The following ENGASE variants were observed in gnomAD, a reference collection of about 807,000 sequenced individuals.
ENGASE encodes cytosolic endo-beta-N-acetylglucosaminidase.
A neutral mutation model predicts 78.5 loss-of-function variants in ENGASE; 69 were observed. The ratio of observed to expected loss-of-function variants is 0.88; its 90% CI spans 0.72 to 1.07. The LOEUF is 1.07. Ranked by LOEUF, ENGASE falls within the 50% of genes least tolerant of loss-of-function variation. The pLI, the probability that ENGASE is intolerant of heterozygous loss-of-function variation, is 0.00. For synonymous variants in ENGASE, 408 were observed against 408.9 expected (o/e 1.00, Z 0.03); for missense variants, 943 against 988.4 (o/e 0.95, Z 0.62).
At position 79,074,930 on chromosome 17, in the gene ENGASE, T is replaced by C. The variant is rs2072928793; in HGVS notation, c.-15T>C. 3.1e-5 allele frequency: 39 copies of C among 1,259,938 alleles called. No individual in the cohort carries two copies. The highest frequency in any genetic ancestry group is 3.9e-5 in the Non-Finnish European group (39 of 1,002,096). The allele number at this position is 1,259,938 out of a possible 1,614,324, so 78.0% of individuals were successfully genotyped here. On this transcript the variant is annotated 5_prime_UTR_variant, in exon 1 of 14. Coordinates refer to ENST00000579016, the MANE Select transcript of ENGASE (RefSeq NM_001042573.3). The stretch of plus-strand genomic sequence containing the variant: ...CCGGGCCTGCGATTGCCTCTCGGCG[T>C]GCGCGGACAGTGTCATGGAGGCCGC...
At chr17:79,085,031 A>G (rs60001118) in intron 11 of ENGASE, among the ~76,000 whole-genome samples, 29,012 of 151,940 alleles carry the variant, frequency 0.19, 3,762 homozygotes, top group African/African-American at 0.36. Context: ...GGGCGCCAGG[A>G]CGAGTGAGGG....
chr17:79,082,806 G>A (rs781105043), intron 7 of ENGASE: 9 of 1,493,282 alleles, frequency 6.0e-6, no homozygotes, highest in Non-Finnish European at 7.1e-6. Context: ...TTGCAGCAGC[G>A]CTGACCGCCT....
chr17:79,085,272 G>C lies in ENGASE; in HGVS notation c.1630G>C (p.Val544Leu). ...SSRHSLRPLR[V>L]PPTKLARWVG... ...AAGACACAGCCTCCGACCCCTCCGG[G>C]TGCCCCCCACCAAGCTGGCCAGATG... Residue 544 changes from valine to leucine, a missense_variant, in exon 12 of 14, where the codon GTG (valine) becomes CTG (leucine). Coordinates refer to ENST00000579016, the MANE Select transcript of ENGASE (RefSeq NM_001042573.3). The C allele has an allele frequency of 1.2e-6, 2 of 1,613,544 alleles. No homozygotes were observed. Among genetic ancestry groups the C allele is most frequent in the South Asian group, 2.2e-5 (2 of 91,082 alleles).
Position 79,086,082 on chromosome 17 carries a change from C to T in ENGASE, c.1965C>T (p.Leu655=), listed in dbSNP as rs773637360. 7 of 1,613,624 alleles carry T rather than the reference C, an allele frequency of 4.3e-6. No individual in the cohort carries two copies. Among genetic ancestry groups the T allele is most frequent in the Non-Finnish European group, 5.1e-6 (6 of 1,180,034 alleles). The part of the protein sequence containing the change: ...LSCTLHWSFL[L]SQVRCFRIHC... Reference sequence around the variant, plus strand: ...GCACCCTGCACTGGTCCTTCCTCCTCTCACAAGTCCGTTGCTTCCGAATCC... The same window carrying T: ...GCACCCTGCACTGGTCCTTCCTCCTTTCACAAGTCCGTTGCTTCCGAATCC... The change falls in exon 14 of 14, where the codon CTC becomes CTT. Residue 655 remains leucine, a synonymous_variant. Coordinates refer to ENST00000579016, the MANE Select transcript of ENGASE (RefSeq NM_001042573.3).
In ENGASE at chr17:79,080,235, G is replaced by A. The variant is rs772843253; in HGVS notation, c.594G>A (p.Gly198=). The change falls in exon 5 of 14, where the codon GGG becomes GGA. Residue 198 remains glycine, a synonymous_variant. Transcript: ENST00000579016. ...LGTFITEWNE[G]GRLCEAFLAG... is the part of the protein sequence containing the mutation. ...CTTTCATCACGGAGTGGAATGAAGG[G>A]GGAAGGCTCTGTGAAGCCTTCCTGG... is the stretch of plus-strand genomic sequence containing the variant. The A allele has an allele frequency of 7.3e-5, 118 of 1,610,882 alleles. No homozygotes were observed. Among genetic ancestry groups the A allele is most frequent in the Non-Finnish European group, 9.6e-5 (113 of 1,178,006 alleles).
chr17:79,087,604 T>TG lies in ENGASE; in HGVS notation c.*1265dup, dbSNP rs140748058. 0.15 allele frequency: 22,081 copies of TG among 147,812 alleles called. 1,637 individuals carry two copies. Among genetic ancestry groups the TG allele is most frequent in the African/African-American group, 0.17 (6,931 of 39,680 alleles). 9.2% of individuals were successfully genotyped at this position (147,812 alleles called of 1,614,324 possible). On this transcript the variant is annotated 3_prime_UTR_variant, in exon 14 of 14. Coordinates refer to ENST00000579016, the MANE Select transcript of ENGASE (RefSeq NM_001042573.3). ...TCAGTGGCCTGAAGTCCCTCGCTTT[T>TG]GGGGGGGGGGTCTCTCACCCCCAGG...
Position 79,080,368 on chromosome 17 carries a change from A to G in ENGASE, c.723+4A>G. 1 of 1,612,086 alleles carries G rather than the reference A, an allele frequency of 6.2e-7. No homozygotes were observed. The highest frequency in any genetic ancestry group is 8.5e-7 in the Non-Finnish European group (1 of 1,179,840). On this transcript the variant is annotated splice_donor_region_variant and intron_variant, in intron 5 of 13. Coordinates refer to ENST00000579016, the MANE Select transcript of ENGASE (RefSeq NM_001042573.3). The stretch of plus-strand genomic sequence containing the variant: ...CAACATCGAGAACTCGCTGAGTGTG[A>G]GTGCCCAGCCCTCACCCACCTCCCC...
intron 5 of ENGASE, among the ~76,000 whole-genome samples, chr17:79,080,599 C>A (rs1293746924): frequency 1.3e-5 from 2 of 152,260 alleles, no homozygotes; most frequent in East Asian, 3.8e-4. Context: ...ACGTTTCCCG[C>A]CCCTGCCTGT....
In ENGASE at chr17:79,084,577, C is replaced by T; in HGVS notation, c.1482C>T (p.Tyr494=). The T allele has an allele frequency of 1.0e-5, 16 of 1,598,468 alleles. No individual in the cohort carries two copies. Among genetic ancestry groups the T allele is most frequent in the Non-Finnish European group, 1.4e-5 (16 of 1,174,572 alleles). ...AGGCCCCAGTGCCACCCAAGATTTA[C>T]CTGTCCATGGTGTATAAGCTTGAGG... ...SLQAPVPPKI[Y]LSMVYKLEGP... is the part of the protein sequence containing the mutation. Residue 494 remains tyrosine (Y), a synonymous_variant, in exon 11 of 14, where the codon TAC becomes TAT. Transcript: ENST00000579016.
intron 3 of ENGASE, 61 bp downstream of exon 3, chr17:79,077,925 T>TGGTGGGGGGGGGGGGG: frequency 1.6e-6 from 1 of 620,762 alleles, no homozygotes; most frequent in East Asian, 5.1e-5. Context: ...GGGTGGGGGC[T>TGGTGGGGGGGGGGGGG]GGAGGGGCGG....
In ENGASE at chr17:79,086,138, C is replaced by G. The variant is rs748662225; in HGVS notation, c.2021C>G (p.Pro674Arg). 2 of 1,613,728 alleles carry G rather than the reference C, an allele frequency of 1.2e-6. No homozygotes were observed. The highest frequency in any genetic ancestry group is 1.7e-6 in the Non-Finnish European group (2 of 1,180,032). Reference sequence around the variant, plus strand: ...TGGGGAGGGATGAGTGATGACTCTCCGGGCAGGGAGCTGCCGAGGCCAGAG... The same window carrying G: ...TGGGGAGGGATGAGTGATGACTCTCGGGGCAGGGAGCTGCCGAGGCCAGAG... ...HCWGGMSDDS[P>R]GRELPRPEMP... The change falls in exon 14 of 14, where the codon CCG (proline) becomes CGG (arginine). Residue 674 changes from proline (P) to arginine (R), a missense_variant. Physicochemically the swap from Pro to Arg is moderately radical, Grantham distance 103. Transcript: ENST00000579016.
At position 79,081,934 on chromosome 17, in the gene ENGASE, C is replaced by T. The variant is rs2073151689; in HGVS notation, c.909C>T (p.Asn303=). 1 of 1,613,960 alleles carries T rather than the reference C, an allele frequency of 6.2e-7. No homozygotes were observed. The highest frequency in any genetic ancestry group is 1.3e-5 in the African/African-American group (1 of 74,920). ...ATTCCTGCGACGGCTTCTTCACTAA[C>T]TATAACTGGCGGGAGGAGCACTTGG... ...FFDSCDGFFT[N]YNWREEHLER... The change falls in exon 7 of 14, where the codon AAC becomes AAT. Residue 303 remains asparagine (N), a synonymous_variant. Transcript: ENST00000579016.
chr17:79,081,930 C>G lies in ENGASE; in HGVS notation c.905C>G (p.Thr302Ser). The change falls in exon 7 of 14, where the codon ACT becomes AGT. Residue 302 changes from threonine (T) to serine (S), a missense_variant. By Grantham distance (58) the Thr-to-Ser change is moderately conservative (BLOSUM62 1). Transcript: ENST00000579016. The stretch of plus-strand genomic sequence containing the variant: ...TTTGATTCCTGCGACGGCTTCTTCA[C>G]TAACTATAACTGGCGGGAGGAGCAC... ...VFFDSCDGFF[T>S]NYNWREEHLE... 3 of 1,613,782 alleles carry G rather than the reference C, an allele frequency of 1.9e-6. No homozygotes were observed. The highest frequency in any genetic ancestry group is 1.7e-6 in the Non-Finnish European group (2 of 1,179,772).
At chr17:79,077,523 C>A in intron 2 of ENGASE, 26 bp downstream of exon 2, 1 of 1,546,194 alleles carries the variant, frequency 6.5e-7, no homozygotes, top group South Asian at 1.3e-5. Flanking sequence ...CTCTGAATAC[C>A]GATCCACCTT....
intron 5 of ENGASE, among the ~76,000 whole-genome samples, chr17:79,080,693 C>G (rs536301661): frequency 6.6e-6 from 1 of 152,342 alleles, no homozygotes; most frequent in African/African-American, 2.4e-5. Context: ...TCGGTGCACT[C>G]TGTCTTTTCC....
chr17:79,076,671 C>T lies in ENGASE; in HGVS notation c.147-759C>T, dbSNP rs148599959. Among the ~76,000 whole-genome samples the T allele has an allele frequency of 1.8e-3, 279 of 152,354 alleles. 1 individual carries two copies. The highest frequency in any genetic ancestry group is 3.3e-3 in the Admixed American group (51 of 15,310). On this transcript the variant is annotated intron_variant, in intron 1 of 13. Coordinates refer to ENST00000579016, the MANE Select transcript of ENGASE (RefSeq NM_001042573.3). ...AACTCTTTCTCCCTGTAACATACAT[C>T]CATGAACAGCGCGGAAGGCACTTAG...
At chr17:79,075,308 C>A (rs995402211) in intron 1 of ENGASE, among the ~76,000 whole-genome samples, 3 of 152,200 alleles carry the variant, frequency 2.0e-5, no homozygotes, top group African/African-American at 7.2e-5. Context: ...GGCCCCCGTG[C>A]GTGACCCCTG....
At position 79,083,000 on chromosome 17, in the gene ENGASE, G is replaced by T. The variant is rs775806290; in HGVS notation, c.1039-20G>T. ...GGACTCTGGTCCTGATGTGCCCAGC[G>T]TCTCCCTCTGTCTCTTCAGTCGTTG... is the stretch of plus-strand genomic sequence containing the variant. On this transcript the variant is annotated intron_variant, in intron 7 of 13. Transcript: ENST00000579016. 6.2e-7 allele frequency: 1 copy of T among 1,611,742 alleles called. No homozygotes were observed. Among genetic ancestry groups the T allele is most frequent in the Non-Finnish European group, 8.5e-7 (1 of 1,178,570 alleles).
rs934439843 is a variant in ENGASE at position 79,087,119 on chromosome 17, C to T, written c.*770C>T. The T allele has an allele frequency of 8.9e-6, 4 of 449,986 alleles. No individual in the cohort carries two copies. Among genetic ancestry groups the T allele is most frequent in the African/African-American group, 8.0e-5 (4 of 49,914 alleles). 27.9% of individuals were successfully genotyped at this position (449,986 alleles called of 1,614,324 possible). On this transcript the variant is annotated 3_prime_UTR_variant, in exon 14 of 14. Coordinates refer to ENST00000579016, the MANE Select transcript of ENGASE (RefSeq NM_001042573.3). ...GGCTCTGAGGCAGTCTGCGCTGTGG[C>T]CCTGCCTCTGCCCAGCGAGAGGCCG...
Sources: allele counts gnomAD v4.1 joint callset (sites outside exome capture counted in the v4.1 genomes callset), GRCh38; gene constraint gnomAD v4.1.1; transcripts MANE v1.5; gene names NCBI Gene and HGNC (gene_info 2026-07-23, HGNC 2026-07-21).